Variants in CACNA1A observed in about 807,000 individuals in gnomAD.
CACNA1A encodes voltage-dependent P/Q-type calcium channel subunit alpha-1A.
In CACNA1A, 57 loss-of-function variants were observed where a neutral mutation model predicts 262.4. The observed-to-expected ratio is 0.22, with a 90% confidence interval of 0.18 to 0.27. The LOEUF (loss-of-function observed/expected upper bound fraction) is 0.27, where lower values mean the gene tolerates loss of function less well. Ranked by LOEUF, CACNA1A falls within the 10% of genes least tolerant of loss-of-function variation. CACNA1A has a pLI of 1.00. For missense variants in CACNA1A, 2,526 were observed against 3,562.8 expected (o/e 0.71, Z 7.41); for synonymous variants, 1,431 against 1,419.3 (o/e 1.01, Z -0.18).
chr19:13,420,762 A>G (rs1053714314), intron 3 of CACNA1A, among the ~76,000 whole-genome samples: 1 of 152,214 alleles, frequency 6.6e-6, no homozygotes, highest in Non-Finnish European at 1.5e-5. Context: ...AGGGAGAGAA[A>G]GATGAGGTGA....
At chr19:13,345,373 G>A (rs181371604) in intron 6 of CACNA1A, among the ~76,000 whole-genome samples, 5 of 151,998 alleles carry the variant, frequency 3.3e-5, no homozygotes, top group Non-Finnish European at 7.4e-5. Flanking sequence ...CCCCTTCTCC[G>A]TACTTGCATA....
At chr19:13,208,097 A>G in intron 46 of CACNA1A, 44 bp from the exon 47 acceptor site, 1 of 1,205,408 alleles carries the variant, frequency 8.3e-7, no homozygotes. Flanking sequence ...AAAAGATACA[A>G]CAAAATCAAA....
chr19:13,263,907 C>A (rs2056800334), intron 24 of CACNA1A, among the ~76,000 whole-genome samples: 1 of 152,104 alleles, frequency 6.6e-6, no homozygotes, highest in African/African-American at 2.4e-5. Context: ...CTGGAAGATA[C>A]TTAAAGTGGC....
chr19:13,388,231 G>T (rs11669811), intron 3 of CACNA1A, among the ~76,000 whole-genome samples: 43,021 of 139,148 alleles, frequency 0.31, 6,884 homozygotes, highest in Middle Eastern at 0.37. Context: ...TTGAAAAAAC[G>T]ATTTCTTCCT....
intron 24 of CACNA1A, 178 bp downstream of exon 24, chr19:13,275,672 T>C (rs959943360): frequency 2.2e-4 from 141 of 630,354 alleles, no homozygotes; most frequent in Non-Finnish European, 6.4e-5. Context: ...TCTTCCTCCA[T>C]GGACATCATG....
Position 13,207,287 on chromosome 19 carries a change from C to CCGGG in CACNA1A, c.*22_*25dup. 6.5e-7 allele frequency: 1 copy of CCGGG among 1,529,210 alleles called. No individual in the cohort carries two copies. The highest frequency in any genetic ancestry group is 1.7e-4 in the Middle Eastern group (1 of 5,758). 94.7% of individuals were successfully genotyped at this position (1,529,210 alleles called of 1,614,324 possible). On this transcript the variant is annotated 3_prime_UTR_variant, in exon 47 of 47. Transcript: ENST00000360228. This position sits in a 1 kb window ranked among gnomAD's most constrained non-coding sequence, Gnocchi z 5.7. ...GTGTGTGCGTGGGGTGCGTGGGGGG[C>CCGGG]CGGGCGGGCGCCACCTCGCCCGGGC...
chr19:13,273,982 A>G (rs1600221806), intron 24 of CACNA1A: 1 of 151,796 alleles, frequency 6.6e-6, no homozygotes, highest in East Asian at 1.9e-4. Flanking sequence ...TCCTGGGCTC[A>G]AGCAATCTGC....
In CACNA1A at chr19:13,476,361, G is replaced by C. The variant is rs1004155994; in HGVS notation, c.294-21149C>G. On this transcript the variant is annotated intron_variant, in intron 1 of 46. Coordinates refer to ENST00000360228, the MANE Select transcript of CACNA1A (RefSeq NM_001127222.2). ...AGCCAGGTAGGTCAGTTTAGCACTA[G>C]AGCAGGGATTCTGGAAGGACTCACC... 3.9e-5 allele frequency among the ~76,000 whole-genome samples: 6 copies of C among 152,178 alleles called. No individual in the cohort carries two copies. The South Asian group carries it at 1.2e-3, about 32-fold the overall frequency.
intron 31 of CACNA1A, among the ~76,000 whole-genome samples, chr19:13,240,960 G>A (rs11881621): frequency 0.4 from 61,394 of 152,130 alleles, 12,718 homozygotes; most frequent in Middle Eastern, 0.55. Flanking sequence ...AGTCTTTGCC[G>A]GCACACTGCC....
At chr19:13,427,798 CAA>C (rs2060430996) in intron 3 of CACNA1A, among the ~76,000 whole-genome samples, 2 of 152,120 alleles carry the variant, frequency 1.3e-5, no homozygotes, top group South Asian at 2.1e-4. Flanking sequence ...AACAAACAAA[CAA>C]ACAAACATAC....
chr19:13,307,824 G>C lies in CACNA1A; in HGVS notation c.1944C>G (p.Thr648=). 6.2e-7 allele frequency: 1 copy of C among 1,613,976 alleles called. No individual in the cohort carries two copies. Among genetic ancestry groups the C allele is most frequent in the African/African-American group, 1.3e-5 (1 of 75,050 alleles). ...QFNFDEGTPP[T]NFDTFPAAIM... is the part of the protein sequence containing the mutation. ...TTGCTGCTGGAAAAGTATCGAAGTT[G>C]GTGGGAGGAGTCCCTTCATCGAAAT... Residue 648 remains threonine (T), a synonymous_variant, in exon 15 of 47, where the codon ACC becomes ACG. Transcript: ENST00000360228.
At chr19:13,373,865 C>T (rs1246064148) in intron 3 of CACNA1A, among the ~76,000 whole-genome samples, 1 of 152,176 alleles carries the variant, frequency 6.6e-6, no homozygotes, top group Non-Finnish European at 1.5e-5. Flanking sequence ...TATCCCTGCC[C>T]CATGGAGCTG....
At chr19:13,450,904 A>G (rs1599482887) in intron 3 of CACNA1A, 1 of 152,154 alleles carries the variant, frequency 6.6e-6, no homozygotes, top group Admixed American at 6.6e-5. Context: ...GGCCCAAGCA[A>G]TCCTCCCACC....
intron 22 of CACNA1A, among the ~76,000 whole-genome samples, chr19:13,282,018 C>A (rs558578329): frequency 1.3e-5 from 2 of 152,248 alleles, no homozygotes; most frequent in Non-Finnish European, 2.9e-5. Context: ...CTCCTCCCCA[C>A]GCCTGGCTCC....
chr19:13,436,530 CTCACTCATTCATTCACTCAT>C (rs1452539228), intron 3 of CACNA1A, among the ~76,000 whole-genome samples: 4 of 151,220 alleles, frequency 2.6e-5, no homozygotes, highest in African/African-American at 9.9e-5. Context: ...CATTCATTCA[CTCACTCATTCATTCACTCAT>C]TCATTCATCC....
At chr19:13,487,520 A>T (rs530836641) in intron 1 of CACNA1A, among the ~76,000 whole-genome samples, 32 of 152,258 alleles carry the variant, frequency 2.1e-4, no homozygotes, top group African/African-American at 7.7e-4. Context: ...GTGAGCGCTC[A>T]GTGAGTACGG....
intron 17 of CACNA1A, among the ~76,000 whole-genome samples, chr19:13,302,396 T>G (rs2057804721): frequency 6.6e-6 from 1 of 152,210 alleles, no homozygotes; most frequent in Non-Finnish European, 1.5e-5. Context: ...ACCAGGGCCT[T>G]GGTCACACAG....
intron 25 of CACNA1A, 66 bp downstream of exon 25, chr19:13,262,668 C>G: frequency 2.1e-6 from 2 of 973,668 alleles, no homozygotes; most frequent in Non-Finnish European, 3.3e-6. Flanking sequence ...AGTGTACAAC[C>G]TGCTCAGCTG....
chr19:13,440,092 G>A (rs544023466), intron 3 of CACNA1A, among the ~76,000 whole-genome samples: 7 of 151,888 alleles, frequency 4.6e-5, no homozygotes, highest in Admixed American at 6.6e-5. Flanking sequence ...CCTGAGTAGC[G>A]GGGACTACAA....
Sources: allele counts gnomAD v4.1 joint callset (sites outside exome capture counted in the v4.1 genomes callset), GRCh38; gene constraint gnomAD v4.1.1; non-coding constraint Gnocchi (gnomAD v3.1); transcripts MANE v1.5; gene names NCBI Gene and HGNC (gene_info 2026-07-23, HGNC 2026-07-21).